The following RAB38 variants were observed in gnomAD, a reference collection of about 807,000 sequenced individuals.
The protein encoded by RAB38 is ras-related protein Rab-38.
Under a neutral mutation model 18.4 loss-of-function variants are expected in RAB38, and 15 were observed. The ratio of observed to expected loss-of-function variants is 0.82; its 90% CI spans 0.55 to 1.26. The LOEUF (loss-of-function observed/expected upper bound fraction) is 1.26, where lower values mean the gene tolerates loss of function less well. RAB38 is among the 50% of genes most tolerant of loss of function. The pLI is 0.00. For synonymous variants in RAB38, 101 were observed against 104.4 expected (o/e 0.97, Z 0.20); for missense variants, 294 against 267.4 (o/e 1.10, Z -0.69).
the RAB38 span, among the ~76,000 whole-genome samples, chr11:87,904,035 T>C: frequency 6.6e-6 from 1 of 151,756 alleles, no homozygotes; most frequent in Non-Finnish European, 1.5e-5. Flanking sequence ...AATTGTGGTT[T>C]TATTTTTATT....
At chr11:88,103,324 C>G in the RAB38 span, among the ~76,000 whole-genome samples, 1 of 151,980 alleles carries the variant, frequency 6.6e-6, no homozygotes, top group East Asian at 1.9e-4. Context: ...TCATTTTTCT[C>G]TAGTACATTT....
At chr11:88,086,847 G>A in the RAB38 span, among the ~76,000 whole-genome samples, 3 of 151,858 alleles carry the variant, frequency 2.0e-5, no homozygotes, top group Non-Finnish European at 2.9e-5. Context: ...CTATTCTGGA[G>A]CAGATGTAAA....
At chr11:88,103,944 T>C in the RAB38 span, among the ~76,000 whole-genome samples, 2 of 152,102 alleles carry the variant, frequency 1.3e-5, no homozygotes, top group Non-Finnish European at 2.9e-5. Context: ...CCAGAAGGTG[T>C]CGTCAGTGAG....
chr11:88,032,174 C>G, the RAB38 span, among the ~76,000 whole-genome samples: 2 of 151,906 alleles, frequency 1.3e-5, no homozygotes, highest in East Asian at 3.9e-4. Context: ...ACTGGCTAGC[C>G]ATATGTAGAA....
At chr11:87,849,214 C>G in the RAB38 span, among the ~76,000 whole-genome samples, 2 of 152,234 alleles carry the variant, frequency 1.3e-5, no homozygotes, top group East Asian at 3.9e-4. Context: ...GCACAATACC[C>G]CACTCATCTG....
At chr11:87,972,127 G>C in the RAB38 span, among the ~76,000 whole-genome samples, 1 of 152,056 alleles carries the variant, frequency 6.6e-6, no homozygotes, top group Admixed American at 6.6e-5. Context: ...GGAAGAGCCA[G>C]TTATGTCTTA....
chr11:88,071,930 C>T, the RAB38 span, among the ~76,000 whole-genome samples: 1 of 152,298 alleles, frequency 6.6e-6, no homozygotes, highest in East Asian at 1.9e-4. Flanking sequence ...ATCATTCAAC[C>T]TCTGACATTA....
chr11:87,971,274 G>A, the RAB38 span, among the ~76,000 whole-genome samples: 4 of 152,234 alleles, frequency 2.6e-5, no homozygotes, highest in Non-Finnish European at 5.9e-5. Flanking sequence ...GGCAAGCAGA[G>A]CAGTCCCAGA....
At chr11:88,088,276 T>C in the RAB38 span, among the ~76,000 whole-genome samples, 1 of 152,000 alleles carries the variant, frequency 6.6e-6, no homozygotes, top group Admixed American at 6.6e-5. Flanking sequence ...TATGTATTTG[T>C]AAAACAACAA....
At chr11:88,159,103 C>T (rs1376117865) in intron 1 of RAB38, among the ~76,000 whole-genome samples, 1 of 151,228 alleles carries the variant, frequency 6.6e-6, no homozygotes, top group Non-Finnish European at 1.5e-5. Flanking sequence ...TTTTGGGATG[C>T]AAAAATCAAT....
the RAB38 span, among the ~76,000 whole-genome samples, chr11:87,954,745 T>G: frequency 2.6e-5 from 4 of 152,062 alleles, no homozygotes; most frequent in Non-Finnish European, 1.5e-5. Context: ...GGAAGTGGAT[T>G]TGGTGCACTG....
the RAB38 span, chr11:87,815,583 G>C: frequency 4.6e-5 from 7 of 152,182 alleles, no homozygotes; most frequent in Admixed American, 2.6e-4. Flanking sequence ...AGTTGCTAGA[G>C]CTGTGATGAT....
the RAB38 span, among the ~76,000 whole-genome samples, chr11:87,940,155 C>T: frequency 2.1e-5 from 3 of 139,546 alleles, no homozygotes; most frequent in African/African-American, 7.7e-5. Context: ...TGGACATTTA[C>T]CCAGATAATA....
At chr11:87,962,888 TATATC>T in the RAB38 span, among the ~76,000 whole-genome samples, 1 of 152,160 alleles carries the variant, frequency 6.6e-6, no homozygotes, top group African/African-American at 2.4e-5. Context: ...ATTATATACA[TATATC>T]ATAACATCAC....
chr11:87,941,211 T>TTATATATATATATATA, the RAB38 span, among the ~76,000 whole-genome samples: 4 of 24,144 alleles, frequency 1.7e-4, no homozygotes, highest in Non-Finnish European at 2.7e-4. Context: ...TATAAATATA[T>TTATATATATATATATA]GAGATATATA....
chr11:87,940,115 TAAG>T, the RAB38 span, among the ~76,000 whole-genome samples: 2 of 110,934 alleles, frequency 1.8e-5, no homozygotes, highest in Non-Finnish European at 3.9e-5. Context: ...GTCATACTAA[TAAG>T]AAAAAAATGT....
the RAB38 span, among the ~76,000 whole-genome samples, chr11:87,917,218 C>T: frequency 1.3e-5 from 2 of 152,064 alleles, no homozygotes; most frequent in Non-Finnish European, 2.9e-5. Context: ...GGCATACCTG[C>T]ACCGTGCGTG....
the RAB38 span, among the ~76,000 whole-genome samples, chr11:87,957,778 G>T: frequency 3.2e-3 from 491 of 152,124 alleles, 5 homozygotes; most frequent in African/African-American, 0.012. Context: ...GACACATCTT[G>T]GGGGAGCGTG....
chr11:88,173,543 A>G, intron 1 of RAB38: 1 of 985,422 alleles, frequency 1.0e-6, no homozygotes, highest in Non-Finnish European at 1.2e-6. Flanking sequence ...ATCTACAGAC[A>G]TAGAACTTCT....
Sources: allele counts gnomAD v4.1 joint callset (sites outside exome capture counted in the v4.1 genomes callset), GRCh38; gene constraint gnomAD v4.1.1; transcripts MANE v1.5; gene names NCBI Gene and HGNC (gene_info 2026-07-23, HGNC 2026-07-21).